The following ARID1B variants were observed in gnomAD, a reference collection of about 807,000 sequenced individuals.
ARID1B encodes the protein AT-rich interaction domain 1B, also known as AT-rich interactive domain-containing protein 1B.
In ARID1B, 30 loss-of-function variants were observed where a neutral mutation model predicts 212.3. The observed-to-expected ratio is 0.14, with a 90% CI of 0.11 to 0.19. The LOEUF (loss-of-function observed/expected upper bound fraction) is 0.19. Among genes scored for constraint, ARID1B ranks in the 10% least tolerant of loss-of-function variants. The pLI is 1.00. For missense variants in ARID1B, 2,891 were observed against 3,204.0 expected, an observed-to-expected ratio of 0.90 and a Z score of 2.36; for synonymous variants, 1,402 against 1,301.7, an observed-to-expected ratio of 1.08 and a Z score of -1.66.
At position 157,206,777 on chromosome 6, in the gene ARID1B, A is replaced by ACGT; in HGVS notation, c.6007_6009dup (p.Val2003dup). 1 of 1,613,824 alleles carries ACGT rather than the reference A, an allele frequency of 6.2e-7. No homozygotes were observed. Among genetic ancestry groups the ACGT allele is most frequent in the Non-Finnish European group, 8.5e-7 (1 of 1,180,022 alleles). ...AAAAGCATCATAGCAACCATCGATG[A>ACGT]CGTCCTCTCTGCTCGGCCAGGGGCA... On this transcript the variant is annotated inframe_insertion, in exon 20 of 20. Coordinates refer to ENST00000636930, the MANE Select transcript of ARID1B (RefSeq NM_001374828.1). This position sits in a 1 kb window ranked among gnomAD's most constrained non-coding sequence, Gnocchi z 6.8.
intron 2 of ARID1B, among the ~76,000 whole-genome samples, chr6:156,886,982 A>G (rs968078610): frequency 2.6e-5 from 4 of 152,132 alleles, no homozygotes; most frequent in African/African-American, 9.7e-5. Context: ...CACTGACCCT[A>G]CCTTTGTACA....
At chr6:156,987,975 G>A (rs1778035950) in intron 4 of ARID1B, among the ~76,000 whole-genome samples, 1 of 152,204 alleles carries the variant, frequency 6.6e-6, no homozygotes, top group African/African-American at 2.4e-5. Flanking sequence ...GTGCATGATG[G>A]TGATGTTGGG....
At chr6:156,855,405 G>A (rs1263302444) in intron 2 of ARID1B, among the ~76,000 whole-genome samples, 2 of 152,214 alleles carry the variant, frequency 1.3e-5, no homozygotes, top group Non-Finnish European at 2.9e-5. Context: ...AGGAAGGCGT[G>A]TGCTAACACA....
At chr6:156,805,758 G>A (rs956241032) in intron 1 of ARID1B, among the ~76,000 whole-genome samples, 2 of 151,976 alleles carry the variant, frequency 1.3e-5, no homozygotes, top group South Asian at 2.1e-4. Context: ...TCACTGCAGC[G>A]TGTAACTCCT....
intron 4 of ARID1B, among the ~76,000 whole-genome samples, chr6:156,983,266 G>A (rs536943976): frequency 1.5e-4 from 23 of 152,000 alleles, no homozygotes; most frequent in African/African-American, 5.5e-4. Flanking sequence ...TTGGTGGCAG[G>A]CGCCTGTAAT....
In ARID1B at chr6:157,005,444, G is replaced by A. The variant is rs534442405; in HGVS notation, c.2247+69868G>A. Among the ~76,000 whole-genome samples the A allele has an allele frequency of 1.6e-4, 24 of 152,278 alleles. No homozygotes were observed. In the East Asian group the frequency reaches 1.7e-3, roughly 11 times the overall value. On this transcript the variant is annotated intron_variant, in intron 4 of 19. Coordinates refer to ENST00000636930, the MANE Select transcript of ARID1B (RefSeq NM_001374828.1). ...GCTGGGATTACAGGCGTGAGTCACC[G>A]TGCCAGGCCCTTATGTAGTGGCATT...
chr6:157,097,171 A>T (rs970415836), intron 5 of ARID1B, among the ~76,000 whole-genome samples: 1 of 152,218 alleles, frequency 6.6e-6, no homozygotes, highest in African/African-American at 2.4e-5. Context: ...ATAATCACAA[A>T]TGCAATGAAA....
chr6:156,778,300 AG>A lies in ARID1B; in HGVS notation c.621del (p.Gln207HisfsTer56). On this transcript the variant is annotated frameshift_variant, in exon 1 of 20. Transcript: ENST00000636930. LOFTEE classifies it high-confidence loss of function. The stretch of plus-strand genomic sequence containing the variant: ...CAGCAGCAGCAGCAGCAACAGCAGC[AG>A]CAGCAGCAGCAGCAACAGCAACATC... The part of the protein sequence containing the change: ...QQQQQQQQQQ[Q>X]QQQQQQQHPI... 1 of 1,544,616 alleles carries A rather than the reference AG, an allele frequency of 6.5e-7. No homozygotes were observed.
At chr6:156,986,053 C>CT (rs1240926724) in intron 4 of ARID1B, among the ~76,000 whole-genome samples, 27 of 138,356 alleles carry the variant, frequency 2.0e-4, no homozygotes, top group African/African-American at 6.9e-4. Flanking sequence ...AATTCCTTTA[C>CT]TTGGAAGGCT....
At chr6:157,036,954 A>G (rs1562566727) in intron 4 of ARID1B, 1 of 424,872 alleles carries the variant, frequency 2.4e-6, no homozygotes. Context: ...AACAGAGGGG[A>G]CTTATTTTTT....
intron 4 of ARID1B, among the ~76,000 whole-genome samples, chr6:157,080,343 A>G (rs1448811786): frequency 6.6e-6 from 1 of 152,210 alleles, no homozygotes; most frequent in Non-Finnish European, 1.5e-5. Flanking sequence ...TATTGACTGA[A>G]TTTATCCTTT....
chr6:157,102,858 A>G (rs1027674994), intron 5 of ARID1B, among the ~76,000 whole-genome samples: 1 of 151,772 alleles, frequency 6.6e-6, no homozygotes, highest in African/African-American at 2.4e-5. Flanking sequence ...CAGCCTCCCA[A>G]AGTGCTGGGA....
At chr6:157,002,206 G>T (rs1778952255) in intron 4 of ARID1B, among the ~76,000 whole-genome samples, 1 of 152,184 alleles carries the variant, frequency 6.6e-6, no homozygotes, top group Non-Finnish European at 1.5e-5. Context: ...GATATCTTGA[G>T]ATAAATGTTT....
intron 1 of ARID1B, among the ~76,000 whole-genome samples, chr6:156,827,104 C>T (rs1469715351): frequency 6.6e-6 from 1 of 152,128 alleles, no homozygotes; most frequent in Non-Finnish European, 1.5e-5. Flanking sequence ...AAAATCCCTG[C>T]CCTCTGGGAG....
intron 4 of ARID1B, chr6:157,071,395 T>C (rs1035934313): frequency 6.6e-6 from 1 of 152,228 alleles, no homozygotes; most frequent in Non-Finnish European, 1.5e-5. Context: ...TAGGATACTC[T>C]TTCCTCTCCA....
At chr6:157,039,743 C>CCCTTCCTT (rs71027322) in intron 4 of ARID1B, among the ~76,000 whole-genome samples, 61 of 92,118 alleles carry the variant, frequency 6.6e-4, no homozygotes, top group African/African-American at 2.7e-3. Flanking sequence ...CTCCCTCCCT[C>CCCTTCCTT]CCTTCCTTCC....
intron 4 of ARID1B, among the ~76,000 whole-genome samples, chr6:157,021,250 GC>G (rs1157878993): frequency 6.6e-6 from 1 of 152,178 alleles, no homozygotes; most frequent in African/African-American, 2.4e-5. Flanking sequence ...TCAAGCCCCG[GC>G]CCCGCGGTAC....
chr6:157,150,933 C>T (rs150051418), intron 8 of ARID1B: 291 of 171,656 alleles, frequency 1.7e-3, no homozygotes, highest in African/African-American at 6.4e-3. Context: ...CGTCTGGCCG[C>T]GAAAGGAACA....
chr6:156,902,535 C>T (rs1316183486), intron 3 of ARID1B, among the ~76,000 whole-genome samples: 1 of 151,748 alleles, frequency 6.6e-6, no homozygotes, highest in Non-Finnish European at 1.5e-5. Flanking sequence ...AGTCCCTTTC[C>T]GTATGACTTA....
Sources: gnomAD v4.1 joint callset for allele counts (sites outside exome capture counted in the v4.1 genomes callset) on GRCh38, gnomAD v4.1.1 for gene constraint, Gnocchi (gnomAD v3.1) non-coding constraint, MANE v1.5 for transcripts, NCBI Gene and HGNC (gene_info 2026-07-23, HGNC 2026-07-21) for gene names.